Variants in EFCAB6 observed in about 807,000 individuals in gnomAD.
EFCAB6 encodes the protein EF-hand calcium binding domain 6, also known as EF-hand calcium-binding domain-containing protein 6.
EFCAB6 carries 156 observed loss-of-function variants against 169.8 expected under a neutral mutation model. The ratio of observed to expected loss-of-function variants is 0.92; its 90% CI spans 0.81 to 1.05. The LOEUF (loss-of-function observed/expected upper bound fraction) is 1.05, where lower values mean the gene tolerates loss of function less well. Ranked by LOEUF, EFCAB6 falls within the 50% of genes least tolerant of loss-of-function variation. The probability of loss-of-function intolerance (pLI) is 0.00; values close to 1 mark genes in which losing one functional copy is unlikely to be tolerated. For synonymous variants in EFCAB6, 698 were observed against 676.4 expected (o/e 1.03, Z -0.50); for missense variants, 1,800 against 1,829.1 (o/e 0.98, Z 0.29).
intron 24 of EFCAB6, among the ~76,000 whole-genome samples, chr22:43,581,351 C>A (rs577750790): frequency 6.6e-6 from 1 of 152,292 alleles, no homozygotes; most frequent in African/African-American, 2.4e-5. Context: ...TTTTACAAAA[C>A]CTATCTAGCT....
chr22:43,746,276 A>G (rs2060560543), intron 6 of EFCAB6, among the ~76,000 whole-genome samples: 1 of 152,318 alleles, frequency 6.6e-6, no homozygotes, highest in East Asian at 1.9e-4. Flanking sequence ...CTTTACCAAA[A>G]ATCGAAAAAG....
At chr22:43,768,631 C>G (rs1295323953) in intron 4 of EFCAB6, among the ~76,000 whole-genome samples, 1 of 152,168 alleles carries the variant, frequency 6.6e-6, no homozygotes, top group Non-Finnish European at 1.5e-5. Context: ...TTCTGGGAAT[C>G]TTACTTGTCA....
chr22:43,689,582 C>T (rs2147168165), intron 10 of EFCAB6, among the ~76,000 whole-genome samples: 1 of 152,318 alleles, frequency 6.6e-6, no homozygotes, highest in South Asian at 2.1e-4. Flanking sequence ...CCTTTGAACG[C>T]TTGATCGGCC....
chr22:43,810,143 T>C (rs1367116061), intron 1 of EFCAB6, among the ~76,000 whole-genome samples: 1 of 152,124 alleles, frequency 6.6e-6, no homozygotes, highest in Non-Finnish European at 1.5e-5. Context: ...CCTCCCAAAG[T>C]GGTAGGATTA....
chr22:43,725,134 C>CTTTT (rs33983375), intron 8 of EFCAB6, among the ~76,000 whole-genome samples: 3 of 94,676 alleles, frequency 3.2e-5, no homozygotes, highest in Non-Finnish European at 6.1e-5. Flanking sequence ...GCCAAACTGG[C>CTTTT]TTTTTTTTTT....
intron 28 of EFCAB6, among the ~76,000 whole-genome samples, 186 bp downstream of exon 28, chr22:43,539,941 C>T (rs1054905930): frequency 2.6e-5 from 4 of 152,146 alleles, no homozygotes. Context: ...CCACGTCTGC[C>T]CCCCTCCCAG....
chr22:43,624,885 A>G (rs2054389239), intron 20 of EFCAB6, among the ~76,000 whole-genome samples: 2 of 152,124 alleles, frequency 1.3e-5, no homozygotes, highest in South Asian at 4.2e-4. Context: ...TTGCGGTTGA[A>G]ATTTTCCATG....
chr22:43,693,388 T>C (rs1327942699), intron 10 of EFCAB6, among the ~76,000 whole-genome samples: 2 of 151,436 alleles, frequency 1.3e-5, no homozygotes, highest in African/African-American at 4.9e-5. Flanking sequence ...TCAGCCAAAT[T>C]GCAACTGAGG....
chr22:43,688,876 T>C (rs1035763203), intron 10 of EFCAB6, among the ~76,000 whole-genome samples: 10 of 152,246 alleles, frequency 6.6e-5, no homozygotes, highest in African/African-American at 2.4e-4. Context: ...TGAAACAGAC[T>C]GCCCTGTTTT....
intron 15 of EFCAB6, among the ~76,000 whole-genome samples, chr22:43,670,969 C>T (rs1444597449): frequency 1.3e-5 from 2 of 152,166 alleles, no homozygotes; most frequent in Non-Finnish European, 2.9e-5. Context: ...TCATTTGATC[C>T]TTATCACAAC....
At chr22:43,652,198 T>A (rs1398059002) in intron 17 of EFCAB6, among the ~76,000 whole-genome samples, 1 of 151,988 alleles carries the variant, frequency 6.6e-6, no homozygotes, top group African/African-American at 2.4e-5. Flanking sequence ...TGGTGGGAGG[T>A]AATTGAATCA....
At chr22:43,647,721 A>G (rs1263833085) in intron 17 of EFCAB6, among the ~76,000 whole-genome samples, 1 of 152,246 alleles carries the variant, frequency 6.6e-6, no homozygotes, top group Non-Finnish European at 1.5e-5. Context: ...ACAGAGGCAC[A>G]CAGAGAGGAG....
At chr22:43,631,241 C>T (rs1027330542) in intron 19 of EFCAB6, among the ~76,000 whole-genome samples, 7 of 151,862 alleles carry the variant, frequency 4.6e-5, no homozygotes, top group African/African-American at 1.7e-4. Flanking sequence ...ATACCCTCGG[C>T]CCTGTCTCGG....
At chr22:43,669,937 T>C (rs1278380073) in intron 15 of EFCAB6, among the ~76,000 whole-genome samples, 3 of 152,180 alleles carry the variant, frequency 2.0e-5, no homozygotes, top group South Asian at 2.1e-4. Context: ...AGAGGCAACA[T>C]GTGTGATCAT....
chr22:43,790,755 A>G (rs1368176824), intron 2 of EFCAB6, among the ~76,000 whole-genome samples: 1 of 152,204 alleles, frequency 6.6e-6, no homozygotes, highest in African/African-American at 2.4e-5. Context: ...TTACAGGTGC[A>G]AGGGAGGAAA....
In EFCAB6 at chr22:43,554,909, G is replaced by T; in HGVS notation, c.3608C>A (p.Ala1203Asp). 1 of 1,614,174 alleles carries T rather than the reference G, an allele frequency of 6.2e-7. No homozygotes were observed. Among genetic ancestry groups the T allele is most frequent in the Non-Finnish European group, 8.5e-7 (1 of 1,180,034 alleles). The change falls in exon 27 of 32, where the codon GCC (alanine) becomes GAC (aspartate). Residue 1203 changes from alanine (A) to aspartate (D), a missense_variant. By Grantham distance (126) the Ala-to-Asp change is moderately radical. Transcript: ENST00000262726. ...TNTISREEFR[A>D]ICNRRVQILT... Reference sequence around the variant, plus strand: ...GATTTGGACGCGGCGATTACAAATGGCCCTAAACTCCTCTCTGGAGATGGT... The same window carrying T: ...GATTTGGACGCGGCGATTACAAATGTCCCTAAACTCCTCTCTGGAGATGGT...
chr22:43,763,275 G>A (rs1400030275), intron 5 of EFCAB6, among the ~76,000 whole-genome samples: 3 of 152,110 alleles, frequency 2.0e-5, no homozygotes, highest in African/African-American at 7.2e-5. Context: ...CTGACCTCAG[G>A]TGATCTGCCC....
At chr22:43,664,461 T>A (rs967971936) in intron 17 of EFCAB6, among the ~76,000 whole-genome samples, 1 of 152,170 alleles carries the variant, frequency 6.6e-6, no homozygotes, top group Non-Finnish European at 1.5e-5. Context: ...AAATGAAAGA[T>A]GTGGTGAGTG....
intron 21 of EFCAB6, among the ~76,000 whole-genome samples, chr22:43,613,591 CAGGCACTG>C (rs1181932297): frequency 4.6e-5 from 7 of 151,874 alleles, no homozygotes; most frequent in Admixed American, 3.3e-4. Flanking sequence ...AAGGGAACAA[CAGGCACTG>C]AGACCTACTT....
Sources: allele counts gnomAD v4.1 joint callset (sites outside exome capture counted in the v4.1 genomes callset), GRCh38; gene constraint gnomAD v4.1.1; transcripts MANE v1.5; gene names NCBI Gene and HGNC (gene_info 2026-07-23, HGNC 2026-07-21).